KIAA1217: variants seen among roughly 807,000 people sequenced by gnomAD.
KIAA1217 encodes the protein KIAA1217.
Under a neutral mutation model 163.9 loss-of-function variants are expected in KIAA1217, and 88 were observed. The observed-to-expected ratio is 0.54, with a 90% CI of 0.45 to 0.64. KIAA1217 has a LOEUF of 0.64. Among genes scored for constraint, KIAA1217 ranks in the 30% least tolerant of loss-of-function variants. The pLI, the probability that KIAA1217 is intolerant of heterozygous loss-of-function variation, is 0.00. For synonymous variants in KIAA1217, 903 were observed against 923.1 expected, an observed-to-expected ratio of 0.98 and a Z score of 0.39; for missense variants, 2,372 against 2,475.0, an observed-to-expected ratio of 0.96 and a Z score of 0.88.
chr10:23,852,100 C>A (rs1170453475), intron 1 of KIAA1217, among the ~76,000 whole-genome samples: 1 of 152,070 alleles, frequency 6.6e-6, no homozygotes, highest in Non-Finnish European at 1.5e-5. Flanking sequence ...ACGCCTATGT[C>A]CTGAATGGTA....
At chr10:23,816,195 C>G (rs1420106019) in intron 1 of KIAA1217, among the ~76,000 whole-genome samples, 1 of 152,176 alleles carries the variant, frequency 6.6e-6, no homozygotes, top group Non-Finnish European at 1.5e-5. Flanking sequence ...ACACACAAAG[C>G]AGTACTAGGT....
chr10:24,085,007 G>A (rs944115215), intron 2 of KIAA1217, among the ~76,000 whole-genome samples: 52 of 147,322 alleles, frequency 3.5e-4, no homozygotes, highest in African/African-American at 1.2e-3. Flanking sequence ...TCTGCCTCCC[G>A]GGTTCACGCC....
intron 1 of KIAA1217, among the ~76,000 whole-genome samples, chr10:23,879,601 G>C (rs1840859181): frequency 6.6e-6 from 1 of 151,858 alleles, no homozygotes; most frequent in Non-Finnish European, 1.5e-5. Flanking sequence ...AGTCCAACAG[G>C]GTGATGTCTT....
intron 2 of KIAA1217, among the ~76,000 whole-genome samples, chr10:24,301,289 G>C (rs1488436344): frequency 6.6e-6 from 1 of 152,108 alleles, no homozygotes; most frequent in African/African-American, 2.4e-5. Context: ...CATAAATACT[G>C]AGGTGTTAAA....
intron 2 of KIAA1217, among the ~76,000 whole-genome samples, chr10:24,281,023 C>G (rs1205933509): frequency 1.3e-5 from 2 of 152,152 alleles, no homozygotes; most frequent in Non-Finnish European, 2.9e-5. Flanking sequence ...TAAAGCTAGA[C>G]TGCTGATAGG....
intron 1 of KIAA1217, among the ~76,000 whole-genome samples, chr10:23,775,942 A>AATT (rs1223675317): frequency 6.6e-6 from 1 of 152,214 alleles, no homozygotes; most frequent in African/African-American, 2.4e-5. Flanking sequence ...TAACTTCTAT[A>AATT]ACCATAAAAC....
At chr10:23,957,829 T>C (rs547861624) in intron 1 of KIAA1217, among the ~76,000 whole-genome samples, 4 of 152,190 alleles carry the variant, frequency 2.6e-5, no homozygotes, top group Non-Finnish European at 5.9e-5. Flanking sequence ...TATTTCTCTA[T>C]CATCATGGTT....
intron 2 of KIAA1217, among the ~76,000 whole-genome samples, chr10:24,192,091 G>A (rs1230785903): frequency 6.6e-6 from 1 of 152,222 alleles, no homozygotes; most frequent in Admixed American, 6.5e-5. Flanking sequence ...GCTTTTGGGT[G>A]TTAACACAAG....
At chr10:24,419,239 C>T (rs1349558442) in intron 3 of KIAA1217, among the ~76,000 whole-genome samples, 1 of 151,716 alleles carries the variant, frequency 6.6e-6, no homozygotes, top group East Asian at 1.9e-4. Context: ...TTTCTATAAC[C>T]ACTCATCAGA....
intron 6 of KIAA1217, among the ~76,000 whole-genome samples, chr10:24,483,206 C>T (rs916028145): frequency 6.6e-6 from 1 of 152,072 alleles, no homozygotes; most frequent in Non-Finnish European, 1.5e-5. Flanking sequence ...AGGATGGGAG[C>T]TACTCTAGTT....
intron 1 of KIAA1217, among the ~76,000 whole-genome samples, chr10:23,989,552 G>C (rs1388188242): frequency 6.6e-6 from 1 of 152,182 alleles, no homozygotes; most frequent in Admixed American, 6.5e-5. Context: ...TGTCACATGA[G>C]AGTCTTTAAG....
At chr10:23,939,740 T>A (rs976964979) in intron 1 of KIAA1217, among the ~76,000 whole-genome samples, 3 of 151,524 alleles carry the variant, frequency 2.0e-5, no homozygotes, top group Non-Finnish European at 4.4e-5. Flanking sequence ...TATAGAAGAC[T>A]TAAACAAGAC....
intron 2 of KIAA1217, among the ~76,000 whole-genome samples, chr10:24,136,896 A>G (rs960020090): frequency 5.3e-5 from 8 of 152,184 alleles, no homozygotes; most frequent in African/African-American, 1.9e-4. Flanking sequence ...GCTGTTTACA[A>G]AAGCATTAAG....
chr10:24,313,626 A>G (rs1317212192), intron 2 of KIAA1217, among the ~76,000 whole-genome samples: 1 of 152,066 alleles, frequency 6.6e-6, no homozygotes, highest in Non-Finnish European at 1.5e-5. Flanking sequence ...GGTTTTAGAT[A>G]ATGACTGTTG....
chr10:24,264,839 TTCTCTCTTTCTCTG>T (rs2076084278), intron 2 of KIAA1217, among the ~76,000 whole-genome samples: 1 of 144,212 alleles, frequency 6.9e-6, no homozygotes, highest in African/African-American at 2.6e-5. Flanking sequence ...CTTTCTCCCT[TTCTCTCTTTCTCTG>T]TCTCTCTTTC....
chr10:23,855,154 G>A (rs1047135395), intron 1 of KIAA1217, among the ~76,000 whole-genome samples: 20 of 152,264 alleles, frequency 1.3e-4, no homozygotes, highest in East Asian at 5.8e-4. Flanking sequence ...GGCTGGTACC[G>A]GTTGTTCCTT....
chr10:24,301,935 C>T (rs1331034304), intron 2 of KIAA1217, among the ~76,000 whole-genome samples: 1 of 152,042 alleles, frequency 6.6e-6, no homozygotes, highest in African/African-American at 2.4e-5. Flanking sequence ...ATCCCAGCTA[C>T]TTGGGAGGCT....
rs145005502 is a variant in KIAA1217, at chr10:24,294,827, C to T, written c.354+74918C>T. 2.6e-3 allele frequency among the ~76,000 whole-genome samples: 402 copies of T among 152,296 alleles called. 3 individuals are homozygous for T. The highest frequency in any genetic ancestry group is 9.0e-3 in the African/African-American group (372 of 41,556). The stretch of plus-strand genomic sequence containing the variant: ...AACTCTAGGACCTGAAAGGCAAGTG[C>T]AATTCGGTCACTGTCCACATTGCCA... On this transcript the variant is annotated intron_variant, in intron 2 of 20. Coordinates refer to ENST00000376454, the MANE Select transcript of KIAA1217 (RefSeq NM_019590.5).
intron 2 of KIAA1217, among the ~76,000 whole-genome samples, chr10:24,377,655 A>G (rs563414536): frequency 4.8e-4 from 73 of 152,366 alleles, no homozygotes; most frequent in African/African-American, 1.6e-3. Context: ...GCAAAATAAA[A>G]TCAACATCCT....
Sources: allele counts gnomAD v4.1 joint callset (sites outside exome capture counted in the v4.1 genomes callset), GRCh38; gene constraint gnomAD v4.1.1; transcripts MANE v1.5; gene names NCBI Gene and HGNC (gene_info 2026-07-23, HGNC 2026-07-21).